Variants in PAFAH1B1 observed in about 807,000 individuals in gnomAD.
The protein encoded by PAFAH1B1 is platelet-activating factor acetylhydrolase IB subunit beta.
A neutral mutation model predicts 57.5 loss-of-function variants in PAFAH1B1; 2 were observed. The observed-to-expected ratio is 0.03, with a 90% CI of 0.01 to 0.11. PAFAH1B1 has a LOEUF of 0.11. Ranked by LOEUF, PAFAH1B1 falls within the 10% of genes least tolerant of loss-of-function variation. The pLI, the probability that PAFAH1B1 is intolerant of heterozygous loss-of-function variation, is 1.00. For missense variants in PAFAH1B1, 257 were observed against 512.0 expected (o/e 0.50, Z 4.81); for synonymous variants, 152 against 169.6 (o/e 0.90, Z 0.81).
chr17:2,664,663 T>TCG lies in PAFAH1B1; in HGVS notation c.33-707_33-706dup, dbSNP rs771469012. Among the ~76,000 whole-genome samples the TCG allele has an allele frequency of 4.7e-3, 508 of 108,166 alleles. 3 individuals carry two copies. The highest frequency in any genetic ancestry group is 0.015 in the South Asian group (47 of 3,126). The allele number at this position is 108,166 out of a possible 152,430, so 71.0% of individuals were successfully genotyped here. On this transcript the variant is annotated intron_variant, in intron 2 of 10. Coordinates refer to ENST00000397195, the MANE Select transcript of PAFAH1B1 (RefSeq NM_000430.4). The stretch of plus-strand genomic sequence containing the variant: ...TGTGATATATATCTATATCTATCTA[T>TCG]CGCTCTCTCTCTCTCTCTCTCTCTC...
At chr17:2,620,965 G>A (rs1020879156) in intron 1 of PAFAH1B1, among the ~76,000 whole-genome samples, 2 of 151,248 alleles carry the variant, frequency 1.3e-5, no homozygotes, top group African/African-American at 4.9e-5. Flanking sequence ...TTAAAAAATA[G>A]ATTTTTTCCT....
intron 1 of PAFAH1B1, among the ~76,000 whole-genome samples, chr17:2,604,094 A>G (rs958549475): frequency 1.1e-4 from 15 of 140,522 alleles, no homozygotes; most frequent in African/African-American, 3.8e-4. Context: ...CAGGAGTGCA[A>G]TGGCGTGATC....
intron 1 of PAFAH1B1, among the ~76,000 whole-genome samples, chr17:2,607,637 C>A (rs1045686964): frequency 7.3e-5 from 11 of 151,714 alleles, no homozygotes; most frequent in African/African-American, 2.4e-4. Flanking sequence ...GCATGTACCA[C>A]CACACCTAGC....
chr17:2,664,674 C>CTT (rs2069076850), intron 2 of PAFAH1B1, among the ~76,000 whole-genome samples: 1 of 115,218 alleles, frequency 8.7e-6, no homozygotes, highest in African/African-American at 2.9e-5. Flanking sequence ...CGCTCTCTCT[C>CTT]TCTCTCTCTC....
chr17:2,644,381 A>C (rs1372630402), intron 2 of PAFAH1B1, among the ~76,000 whole-genome samples: 2 of 152,034 alleles, frequency 1.3e-5, no homozygotes, highest in African/African-American at 4.8e-5. Flanking sequence ...ATCTCTACTA[A>C]AAATACAAAA....
In PAFAH1B1 at chr17:2,674,052, A is replaced by G; in HGVS notation, c.672-8A>G. On this transcript the variant is annotated splice_polypyrimidine_tract_variant and splice_region_variant and intron_variant, in intron 7 of 10. Coordinates refer to ENST00000397195, the MANE Select transcript of PAFAH1B1 (RefSeq NM_000430.4). ...ATTCACAGTGTAAGTTATTATTTAT[A>G]TTGACAGCTACTGTGTGAAGACATT... 1 of 1,588,096 alleles carries G rather than the reference A, an allele frequency of 6.3e-7. No individual in the cohort carries two copies. Among genetic ancestry groups the G allele is most frequent in the Non-Finnish European group, 8.6e-7 (1 of 1,156,890 alleles).
Position 2,681,824 on chromosome 17 carries a change from C to T in PAFAH1B1, c.*22C>T, listed in dbSNP as rs772420131. On this transcript the variant is annotated 3_prime_UTR_variant, in exon 11 of 11. Transcript: ENST00000397195. ...TTGATTGTGTCTCCTTCGGCCCCTC[C>T]TCCCTCTTTTCCTCTGGATGCACTC... is the stretch of plus-strand genomic sequence containing the variant. 6.3e-7 allele frequency: 1 copy of T among 1,583,796 alleles called. No individual in the cohort carries two copies. The highest frequency in any genetic ancestry group is 8.7e-7 in the Non-Finnish European group (1 of 1,154,792).
chr17:2,679,858 A>G (rs1006846191), intron 9 of PAFAH1B1: 4 of 362,950 alleles, frequency 1.1e-5, no homozygotes, highest in African/African-American at 6.2e-5. Context: ...TAACCAAAAT[A>G]AAATTATTCA....
intron 2 of PAFAH1B1, among the ~76,000 whole-genome samples, chr17:2,652,402 G>C (rs137959765): frequency 2.0e-5 from 3 of 152,196 alleles, no homozygotes; most frequent in Non-Finnish European, 2.9e-5. Context: ...GCGGCAGAGC[G>C]AGACTCCGTC....
At chr17:2,665,113 T>C (rs1025376388) in intron 2 of PAFAH1B1, among the ~76,000 whole-genome samples, 21 of 152,052 alleles carry the variant, frequency 1.4e-4, no homozygotes, top group Admixed American at 3.9e-4. Context: ...CTTATAAATA[T>C]GAAGTTTCTC....
intron 1 of PAFAH1B1, among the ~76,000 whole-genome samples, chr17:2,633,290 C>G (rs1452562048): frequency 1.3e-5 from 2 of 151,698 alleles, no homozygotes; most frequent in African/African-American, 4.8e-5. Context: ...CCCTCAGCCT[C>G]CCGAGTAGCT....
chr17:2,609,147 T>C (rs2068237730), intron 1 of PAFAH1B1, among the ~76,000 whole-genome samples: 1 of 152,254 alleles, frequency 6.6e-6, no homozygotes, highest in Admixed American at 6.5e-5. Context: ...GCAGTTAACC[T>C]AAGCTGAATT....
At chr17:2,653,575 AG>A (rs1193324405) in intron 2 of PAFAH1B1, among the ~76,000 whole-genome samples, 1 of 152,156 alleles carries the variant, frequency 6.6e-6, no homozygotes, top group Non-Finnish European at 1.5e-5. Flanking sequence ...GAATACTCTG[AG>A]ACTGCAAGTT....
At chr17:2,630,906 A>G (rs1028182580) in intron 1 of PAFAH1B1, among the ~76,000 whole-genome samples, 1 of 152,144 alleles carries the variant, frequency 6.6e-6, no homozygotes, top group Non-Finnish European at 1.5e-5. Flanking sequence ...AAGATTGTTA[A>G]AAATAGTACA....
At chr17:2,613,547 GCAGGC>G (rs1244451094) in intron 1 of PAFAH1B1, 1 of 266,632 alleles carries the variant, frequency 3.8e-6, no homozygotes, top group African/African-American at 2.3e-5. Context: ...GGTCTTGAGG[GCAGGC>G]CCCAGCTTCA....
chr17:2,663,174 A>C (rs1236481936), intron 2 of PAFAH1B1, among the ~76,000 whole-genome samples: 1 of 152,088 alleles, frequency 6.6e-6, no homozygotes, highest in African/African-American at 2.4e-5. Context: ...GCTACTGGGG[A>C]GGCTGAGGCA....
chr17:2,657,717 C>T (rs777980585), intron 2 of PAFAH1B1, among the ~76,000 whole-genome samples: 3 of 152,148 alleles, frequency 2.0e-5, no homozygotes, highest in Admixed American at 6.5e-5. Context: ...TCATTTCTCT[C>T]GTCTTTGAAT....
chr17:2,593,551 G>A (rs2068045258), upstream of PAFAH1B1, among the ~76,000 whole-genome samples: 1 of 149,474 alleles, frequency 6.7e-6, no homozygotes, highest in Non-Finnish European at 1.5e-5. Context: ...CCCCTCCTCC[G>A]CTCCCGGCGC....
intron 1 of PAFAH1B1, chr17:2,613,309 C>T (rs536827731): frequency 1.3e-5 from 3 of 224,514 alleles, no homozygotes; most frequent in South Asian, 1.0e-4. Context: ...GGTCTGGGGG[C>T]CCTGGAAGCA....
Sources: allele counts gnomAD v4.1 joint callset (sites outside exome capture counted in the v4.1 genomes callset), GRCh38; gene constraint gnomAD v4.1.1; transcripts MANE v1.5; gene names NCBI Gene and HGNC (gene_info 2026-07-23, HGNC 2026-07-21).